Variants in SMARCA4 observed in about 807,000 individuals in gnomAD.
SMARCA4 encodes the protein SWI/SNF-related matrix-associated actin-dependent regulator of chromatin subfamily A member 4.
A neutral mutation model predicts 193.9 loss-of-function variants in SMARCA4; 31 were observed. The ratio of observed to expected loss-of-function variants is 0.16; its 90% CI spans 0.12 to 0.22. SMARCA4 has a LOEUF of 0.22. SMARCA4 is among the 10% of genes least tolerant of loss of function. The pLI is 1.00. For synonymous variants in SMARCA4, 942 were observed against 933.1 expected, an observed-to-expected ratio of 1.01 and a Z score of -0.17; for missense variants, 1,148 against 2,296.0, an observed-to-expected ratio of 0.50 and a Z score of 10.22.
chr19:10,963,008 A>G (rs568583506), intron 1 of SMARCA4, among the ~76,000 whole-genome samples: 1 of 152,274 alleles, frequency 6.6e-6, no homozygotes, highest in South Asian at 2.1e-4. Context: ...GACACATAGT[A>G]GGTCTTTAGC....
Position 10,985,541 on chromosome 19 carries a change from G to T in SMARCA4, c.355+136G>T. ...GTAGCCGGGTGGGTGGCCCGCCACA[G>T]AGAGCTGTCTGGCATGGCGTGGCTG... On this transcript the variant is annotated intron_variant, in intron 3 of 34. Coordinates refer to ENST00000344626, the MANE Select transcript of SMARCA4 (RefSeq NM_003072.5). This position sits in a 1 kb window ranked among gnomAD's most constrained non-coding sequence, Gnocchi z 4.5. 9.2e-7 allele frequency: 1 copy of T among 1,087,406 alleles called. No homozygotes were observed. The allele number at this position is 1,087,406 out of a possible 1,614,324, so 67.4% of individuals were successfully genotyped here. A position where few individuals can be genotyped will look rare whatever the true frequency, so the allele number is the denominator to read the frequency against.
At chr19:11,043,909 G>A (rs947692648) in intron 30 of SMARCA4, among the ~76,000 whole-genome samples, 7 of 152,192 alleles carry the variant, frequency 4.6e-5, no homozygotes, top group Admixed American at 3.3e-4. Context: ...CCAGAAGGCA[G>A]AGGGTGCAGT....
rs1060502064 is a variant in SMARCA4 at position 10,996,507 on chromosome 19, C to G, written c.1775C>G (p.Ala592Gly). The G allele has an allele frequency of 1.2e-6, 2 of 1,614,204 alleles. No homozygotes were observed. Among genetic ancestry groups the G allele is most frequent in the African/African-American group, 1.3e-5 (1 of 75,056 alleles). Residue 592 changes from alanine to glycine, a missense_variant, in exon 11 of 35, where the codon GCA becomes GGA. By Grantham distance (60) the Ala-to-Gly change is moderately conservative. This residue lies in a region of SMARCA4 where 115 missense variants were observed against 175.1 expected (regional missense o/e 0.66). Transcript: ENST00000344626. ...CTCTATTTCCAGAAGGCAGAAAATG[C>G]AGAAGGACAGACGCCTGCCATTGGG... ...KKKKKKKAEN[A>G]EGQTPAIGPD... is the part of the protein sequence containing the mutation.
Position 10,996,195 on chromosome 19 carries a change from AC to A in SMARCA4, c.1594-13del. The A allele has an allele frequency of 6.2e-7, 1 of 1,613,796 alleles. No individual in the cohort carries two copies. Among genetic ancestry groups the A allele is most frequent in the Non-Finnish European group, 8.5e-7 (1 of 1,179,778 alleles). On this transcript the variant is annotated splice_polypyrimidine_tract_variant and intron_variant, in intron 9 of 34. Coordinates refer to ENST00000344626, the MANE Select transcript of SMARCA4 (RefSeq NM_003072.5). ...CACATTGTGCCACCACATTGCAGTAACCCCCATGCTTTTGTAGGCTGAAGAT... is the reference window on the plus strand; with the variant it reads ...CACATTGTGCCACCACATTGCAGTAACCCCATGCTTTTGTAGGCTGAAGAT...
Position 11,061,994 on chromosome 19 carries a change from G to A in SMARCA4, c.*178G>A, listed in dbSNP as rs2147160851. The A allele has an allele frequency of 3.0e-6, 2 of 666,368 alleles. No individual in the cohort carries two copies. The highest frequency in any genetic ancestry group is 2.7e-5 in the East Asian group (1 of 36,690). The allele number at this position is 666,368 out of a possible 1,614,324, so 41.3% of individuals were successfully genotyped here. ...TGTAGGACTGTTTGTGACTGGCCCT[G>A]TCCTGGCATCAGTAGCATCTGTAAC... is the stretch of plus-strand genomic sequence containing the variant. On this transcript the variant is annotated 3_prime_UTR_variant, in exon 35 of 35. Transcript: ENST00000344626.
chr19:10,999,774 C>A (rs779309206), intron 11 of SMARCA4, among the ~76,000 whole-genome samples: 1 of 152,204 alleles, frequency 6.6e-6, no homozygotes, highest in Non-Finnish European at 1.5e-5. Context: ...CCTGATTTCC[C>A]TTAGCAATAA....
chr19:11,059,803 G>C lies in SMARCA4; in HGVS notation c.4686G>C (p.Gln1562His), dbSNP rs1600643911. The change falls in exon 33 of 35, where the codon CAG (glutamine) becomes CAC (histidine). Residue 1562 changes from glutamine to histidine, a missense_variant. Gln to His is a conservative substitution (Grantham distance 24). Transcript: ENST00000344626. ...AGTCGGTCTTCACCAGCGTGCGGCA[G>C]AAAATCGAGAAGGAGGATGACAGTG... ...VLQSVFTSVR[Q>H]KIEKEDDSEG... is the part of the protein sequence containing the mutation. 6.2e-7 allele frequency: 1 copy of C among 1,610,716 alleles called. No individual in the cohort carries two copies.
chr19:10,982,276 C>T (rs956069369), intron 1 of SMARCA4, among the ~76,000 whole-genome samples: 1 of 151,994 alleles, frequency 6.6e-6, no homozygotes, highest in African/African-American at 2.4e-5. Context: ...GAGTTCAAGA[C>T]CAGCCTGAAT....
rs7935 is a variant in SMARCA4, at chr19:10,994,932, T to C, written c.1524T>C (p.His508=). 564,005 of 1,613,226 alleles carry C rather than the reference T, an allele frequency of 0.35. 100,586 individuals are homozygous for C. Among genetic ancestry groups the C allele is most frequent in the South Asian group, 0.43 (39,290 of 91,052 alleles). Residue 508 remains histidine, a synonymous_variant, in exon 9 of 35, where the codon CAT becomes CAC. Transcript: ENST00000344626. ...TGACCAAGGCAGTGGCCACGTACCATGCCAACACGGAGCGGGAGCAGAAGA... is the reference window on the plus strand; with the variant it reads ...TGACCAAGGCAGTGGCCACGTACCACGCCAACACGGAGCGGGAGCAGAAGA... ...QKLTKAVATY[H]ANTEREQKKE... is the part of the protein sequence containing the mutation.
Position 10,987,580 on chromosome 19 carries a change from C to T in SMARCA4, c.860-86C>T, listed in dbSNP as rs2086166154. On this transcript the variant is annotated intron_variant, in intron 5 of 34. Transcript: ENST00000344626. This position sits in a 1 kb window ranked among gnomAD's most constrained non-coding sequence, Gnocchi z 5.3. Reference sequence around the variant, plus strand: ...GGCGGGGTCTGCCTGTCCCCAGTGCCTCAAGCAGCTCAGCAGCTTTCCATT... The same window carrying T: ...GGCGGGGTCTGCCTGTCCCCAGTGCTTCAAGCAGCTCAGCAGCTTTCCATT... 1 of 1,522,546 alleles carries T rather than the reference C, an allele frequency of 6.6e-7. No homozygotes were observed. The highest frequency in any genetic ancestry group is 9.1e-7 in the Non-Finnish European group (1 of 1,099,506). The allele number at this position is 1,522,546 out of a possible 1,614,324, so 94.3% of individuals were successfully genotyped here. A position where few individuals can be genotyped will look rare whatever the true frequency, so the allele number is the denominator to read the frequency against.
At chr19:10,981,366 T>G (rs1307250259) in intron 1 of SMARCA4, among the ~76,000 whole-genome samples, 1 of 152,198 alleles carries the variant, frequency 6.6e-6, no homozygotes, top group Non-Finnish European at 1.5e-5. Context: ...ATCAGCATCT[T>G]AGTAACATAA....
Position 11,033,180 on chromosome 19 carries a change from C to A in SMARCA4, c.3547-110C>A. On this transcript the variant is annotated intron_variant, in intron 25 of 34. Coordinates refer to ENST00000344626, the MANE Select transcript of SMARCA4 (RefSeq NM_003072.5). This position sits in a 1 kb window ranked among gnomAD's most constrained non-coding sequence, Gnocchi z 9.8. ...GGCAGGTCAGGCTGGGCAGAATTGTCAGGCCGAGGGTGGCACGCACAGCAC... is the reference window on the plus strand; with the variant it reads ...GGCAGGTCAGGCTGGGCAGAATTGTAAGGCCGAGGGTGGCACGCACAGCAC... 1.2e-6 allele frequency: 1 copy of A among 847,296 alleles called. No individual in the cohort carries two copies. Among genetic ancestry groups the A allele is most frequent in the South Asian group, 1.4e-5 (1 of 73,226 alleles). 52.5% of individuals were successfully genotyped at this position (847,296 alleles called of 1,614,324 possible).
intron 11 of SMARCA4, 30 bp from the exon 12 acceptor site, chr19:11,002,999 C>T (rs765653687): frequency 2.5e-6 from 4 of 1,613,664 alleles, no homozygotes; most frequent in Non-Finnish European, 3.4e-6. Flanking sequence ...GCCCTGCAAC[C>T]TCAGTGTCAC....
intron 23 of SMARCA4, 46 bp from the exon 24 acceptor site, chr19:11,027,738 A>C (rs1228964795): frequency 1.2e-6 from 2 of 1,610,508 alleles, no homozygotes; most frequent in South Asian, 1.1e-5. Context: ...GCAGGGTTCC[A>C]GGTTTAACAT....
chr19:11,030,607 A>G lies in SMARCA4; in HGVS notation c.3383-123A>G. Reference sequence around the variant, plus strand: ...AGGCCCGTGTGGAGAGTGCGGAGCCAGGGATCTGGGGATGCTGGCAGGTGC... The same window carrying G: ...AGGCCCGTGTGGAGAGTGCGGAGCCGGGGATCTGGGGATGCTGGCAGGTGC... On this transcript the variant is annotated intron_variant, in intron 24 of 34. Transcript: ENST00000344626. The surrounding 1 kb of genome is among the most constrained non-coding windows in gnomAD (Gnocchi z 5.5). 2 of 881,156 alleles carry G rather than the reference A, an allele frequency of 2.3e-6. No individual in the cohort carries two copies. Among genetic ancestry groups the G allele is most frequent in the Non-Finnish European group, 3.6e-6 (2 of 550,890 alleles). 54.6% of individuals were successfully genotyped at this position (881,156 alleles called of 1,614,324 possible).
intron 15 of SMARCA4, chr19:11,012,731 G>A: frequency 3.3e-6 from 2 of 610,876 alleles, no homozygotes; most frequent in Non-Finnish European, 3.0e-6. Flanking sequence ...CGTTCGCACA[G>A]TCATCCTGCA....
intron 1 of SMARCA4, among the ~76,000 whole-genome samples, chr19:10,968,146 C>T (rs556650473): frequency 3.4e-4 from 51 of 152,162 alleles, no homozygotes; most frequent in African/African-American, 1.2e-3. Flanking sequence ...CCACTGCGCC[C>T]GGCCAGTAAT....
At chr19:11,037,259 A>G (rs2075320335) in intron 29 of SMARCA4, among the ~76,000 whole-genome samples, 1 of 152,248 alleles carries the variant, frequency 6.6e-6, no homozygotes, top group African/African-American at 2.4e-5. Context: ...TGGCTACGCC[A>G]GTTCACAGTT....
intron 1 of SMARCA4, among the ~76,000 whole-genome samples, chr19:10,974,846 A>G (rs1255188476): frequency 1.4e-5 from 2 of 148,052 alleles, no homozygotes; most frequent in Admixed American, 6.8e-5. Flanking sequence ...AGCTGTGATT[A>G]CAGGTGCCCA....
Sources: gnomAD v4.1 joint callset for allele counts (sites outside exome capture counted in the v4.1 genomes callset) on GRCh38, gnomAD v4.1.1 for gene constraint, gnomAD v4.1.1 regional missense constraint, Gnocchi (gnomAD v3.1) non-coding constraint, MANE v1.5 for transcripts, NCBI Gene and HGNC (gene_info 2026-07-23, HGNC 2026-07-21) for gene names.